Variants in CUX1 observed in about 807,000 individuals in gnomAD.
The protein encoded by CUX1 is protein CASP.
A neutral mutation model predicts 158.8 loss-of-function variants in CUX1; 31 were observed. The ratio of observed to expected loss-of-function variants is 0.20; its 90% CI spans 0.15 to 0.26. The LOEUF is 0.26. CUX1 is among the 10% of genes least tolerant of loss of function. The pLI is 1.00. For missense variants in CUX1, 1,589 were observed against 2,014.6 expected (o/e 0.79, Z 4.04); for synonymous variants, 879 against 862.1 (o/e 1.02, Z -0.34).
chr7:102,029,504 T>A (rs1820456906), intron 3 of CUX1, among the ~76,000 whole-genome samples: 1 of 152,036 alleles, frequency 6.6e-6, no homozygotes, highest in Non-Finnish European at 1.5e-5. Flanking sequence ...GGGAAATTCA[T>A]CAACTGGGAG....
At chr7:102,079,567 ATTCTGTACGGTGACTCCAGTCCACG>A (rs1554477857) in intron 4 of CUX1, among the ~76,000 whole-genome samples, 1 of 152,100 alleles carries the variant, frequency 6.6e-6, no homozygotes, top group African/African-American at 2.4e-5. Flanking sequence ...TTGCAGCCTG[ATTCTGTACGGTGACTCCAGTCCACG>A]TATTCCAGGT....
chr7:101,850,951 TAAAA>T (rs914577134), intron 1 of CUX1, among the ~76,000 whole-genome samples: 9 of 151,980 alleles, frequency 5.9e-5, no homozygotes, highest in Admixed American at 5.2e-4. Context: ...TAATTAAAAA[TAAAA>T]AAATTATCCA....
chr7:101,934,048 T>C (rs1472454317), intron 2 of CUX1, among the ~76,000 whole-genome samples: 1 of 152,230 alleles, frequency 6.6e-6, no homozygotes, highest in Non-Finnish European at 1.5e-5. Context: ...AATAATGTTT[T>C]CCATGTTAAA....
At chr7:102,001,723 G>A (rs1428496071) in intron 2 of CUX1, among the ~76,000 whole-genome samples, 2 of 152,198 alleles carry the variant, frequency 1.3e-5, no homozygotes, top group Non-Finnish European at 2.9e-5. Context: ...TGGTCAGGAT[G>A]TTCCTCCTGG....
chr7:102,115,303 C>T (rs1332322138), intron 8 of CUX1, 30 bp downstream of exon 8: 13 of 1,596,056 alleles, frequency 8.1e-6, no homozygotes, highest in Middle Eastern at 1.7e-4. Flanking sequence ...CTCCCTTATC[C>T]GTACACATTT....
At chr7:101,919,200 G>A (rs1804591950) in intron 2 of CUX1, among the ~76,000 whole-genome samples, 1 of 151,958 alleles carries the variant, frequency 6.6e-6, no homozygotes, top group Non-Finnish European at 1.5e-5. Context: ...GACAGCAGGT[G>A]TGTGTGTGTG....
At chr7:101,861,904 G>A (rs1031827110) in intron 1 of CUX1, among the ~76,000 whole-genome samples, 14 of 151,850 alleles carry the variant, frequency 9.2e-5, no homozygotes, top group South Asian at 2.1e-4. Flanking sequence ...GCACAATCTC[G>A]GCTCACTACA....
intron 2 of CUX1, among the ~76,000 whole-genome samples, chr7:101,928,829 C>T (rs1298505453): frequency 1.3e-5 from 2 of 151,240 alleles, no homozygotes; most frequent in Admixed American, 6.6e-5. Context: ...CGCCACTACG[C>T]CCGGCTAATT....
chr7:101,929,714 C>T (rs1287668602), intron 2 of CUX1, among the ~76,000 whole-genome samples: 1 of 152,166 alleles, frequency 6.6e-6, no homozygotes, highest in Non-Finnish European at 1.5e-5. Context: ...AGCTAAGTAT[C>T]ATCGGTGCCA....
intron 2 of CUX1, chr7:101,961,322 A>G (rs1317579837): frequency 6.6e-6 from 1 of 152,216 alleles, no homozygotes; most frequent in Admixed American, 6.5e-5. Flanking sequence ...GTGAGGGTTG[A>G]ACGAGCTCAG....
rs782254245 is a variant in CUX1, at chr7:102,201,437, C to T, written c.2140C>T (p.Arg714Cys). 10 of 1,614,118 alleles carry T rather than the reference C, an allele frequency of 6.2e-6. No homozygotes were observed. The highest frequency in any genetic ancestry group is 2.2e-5 in the South Asian group (2 of 91,086). The change falls in exon 18 of 24, where the codon CGC becomes TGC. Residue 714 changes from arginine to cysteine, a missense_variant. Transcript: ENST00000292535. This position sits in a 1 kb window ranked among gnomAD's most constrained non-coding sequence, Gnocchi z 5.0. ...CATCCGCTCCATCCTGCAGCAAGCC[C>T]GCCGGGAGATGGAGGCCCAGCAGGC... is the stretch of plus-strand genomic sequence containing the variant. ...DAIRSILQQA[R>C]REMEAQQAAL...
intron 8 of CUX1, among the ~76,000 whole-genome samples, chr7:102,116,583 G>T (rs1477815948): frequency 6.6e-6 from 1 of 152,108 alleles, no homozygotes; most frequent in Non-Finnish European, 1.5e-5. Flanking sequence ...AGTTGAGGCT[G>T]CAGTGAGCTG....
chr7:101,927,903 C>T (rs1000975666), intron 2 of CUX1, among the ~76,000 whole-genome samples: 5 of 152,170 alleles, frequency 3.3e-5, no homozygotes, highest in Admixed American at 6.5e-5. Flanking sequence ...CTGAAGACCC[C>T]GCAGGCCCTG....
intron 8 of CUX1, among the ~76,000 whole-genome samples, chr7:102,121,448 C>T (rs925734372): frequency 2.0e-5 from 3 of 151,630 alleles, no homozygotes; most frequent in East Asian, 1.9e-4. Flanking sequence ...CGGGTTCAAG[C>T]GATTCTCCTG....
At position 102,043,730 on chromosome 7, in the gene CUX1, C is replaced by T. The variant is rs77502303; in HGVS notation, c.189+15585C>T. Among the ~76,000 whole-genome samples the T allele has an allele frequency of 4.5e-3, 678 of 152,254 alleles. 6 individuals are homozygous for T. Among genetic ancestry groups the T allele is most frequent in the African/African-American group, 0.016 (654 of 41,550 alleles). On this transcript the variant is annotated intron_variant, in intron 3 of 23. Transcript: ENST00000292535. ...CTCTTAACAATACTGATTTCAATCC[C>T]TTTGTGGTGTTGCTGGATCGTATTA...
intron 1 of CUX1, among the ~76,000 whole-genome samples, chr7:101,846,337 G>A (rs1170887761): frequency 7.1e-6 from 1 of 140,826 alleles, no homozygotes; most frequent in Non-Finnish European, 1.5e-5. Context: ...TTTTTTTTTT[G>A]AGATAGGCTG....
rs538331246 is a variant in CUX1 at position 102,197,892 on chromosome 7, G to A, written c.1894+587G>A. Among the ~76,000 whole-genome samples, 153 of 152,212 alleles carry A rather than the reference G, an allele frequency of 1.0e-3. No individual in the cohort carries two copies. In the Middle Eastern group the frequency reaches 0.027, roughly 27 times the overall value. On this transcript the variant is annotated intron_variant, in intron 15 of 23. Coordinates refer to ENST00000292535, the MANE Select transcript of CUX1 (RefSeq NM_181552.4). ...CCTGGCTTGAGTAAAATACACAAAA[G>A]TTTTATTTAAGCACCCTTTCTACCC...
Position 102,248,842 on chromosome 7 carries a change from C to T in CUX1, c.4318C>T (p.Pro1440Ser), listed in dbSNP as rs1179463018. ...CCCCGCGGCCCCGAGCTCCGCGCCG[C>T]CGCCCAGCAACAGCAGCAGCAGCAG... ...EGPAAPSSAPPPSNSSSSSAP... is the reference protein window; with the variant it reads ...EGPAAPSSAPSPSNSSSSSAP... Residue 1440 changes from proline to serine, a missense_variant, in exon 24 of 24, where the codon CCG (proline) becomes TCG (serine). Pro to Ser is a moderately conservative substitution (Grantham distance 74). Coordinates refer to ENST00000292535, the MANE Select transcript of CUX1 (RefSeq NM_181552.4). This position sits in a 1 kb window ranked among gnomAD's most constrained non-coding sequence, Gnocchi z 5.8. 53 of 1,242,598 alleles carry T rather than the reference C, an allele frequency of 4.3e-5. No individual in the cohort carries two copies. Among genetic ancestry groups the T allele is most frequent in the Non-Finnish European group, 4.9e-5 (48 of 986,362 alleles). 77.0% of individuals were successfully genotyped at this position (1,242,598 alleles called of 1,614,324 possible).
chr7:101,879,611 C>A (rs1450872200), intron 1 of CUX1, among the ~76,000 whole-genome samples: 1 of 150,220 alleles, frequency 6.7e-6, no homozygotes, highest in Non-Finnish European at 1.5e-5. Context: ...CTGAGGCCAG[C>A]CAGCCAGTGT....
Sources: allele counts gnomAD v4.1 joint callset (sites outside exome capture counted in the v4.1 genomes callset), GRCh38; gene constraint gnomAD v4.1.1; non-coding constraint Gnocchi (gnomAD v3.1); transcripts MANE v1.5; gene names NCBI Gene and HGNC (gene_info 2026-07-23, HGNC 2026-07-21).